Variants in ARHGAP24 observed in about 807,000 individuals in gnomAD.
ARHGAP24 encodes the protein Rho GTPase activating protein 24, also known as rho GTPase-activating protein 24.
Under a neutral mutation model 76.4 loss-of-function variants are expected in ARHGAP24, and 50 were observed. That is an observed-to-expected ratio of 0.65 (90% CI 0.52 to 0.83). The LOEUF (loss-of-function observed/expected upper bound fraction) is 0.83, where lower values mean the gene tolerates loss of function less well. ARHGAP24 is among the 40% of genes least tolerant of loss of function. ARHGAP24 has a pLI of 0.00. For missense variants in ARHGAP24, 930 were observed against 914.2 expected, an observed-to-expected ratio of 1.02 and a Z score of -0.22; for synonymous variants, 345 against 323.3, an observed-to-expected ratio of 1.07 and a Z score of -0.72.
At chr4:85,925,404 G>A (rs1481315224) in intron 4 of ARHGAP24, among the ~76,000 whole-genome samples, 1 of 152,100 alleles carries the variant, frequency 6.6e-6, no homozygotes, top group Non-Finnish European at 1.5e-5. Flanking sequence ...TGCCCCAAAG[G>A]GCAAGAGTAG....
intron 2 of ARHGAP24, among the ~76,000 whole-genome samples, chr4:85,655,231 A>G (rs1208015882): frequency 6.6e-6 from 1 of 152,208 alleles, no homozygotes; most frequent in Admixed American, 6.5e-5. Flanking sequence ...AAATGCCCTT[A>G]AAATTACATA....
At chr4:85,953,136 C>T (rs1400034885) in intron 5 of ARHGAP24, among the ~76,000 whole-genome samples, 1 of 152,104 alleles carries the variant, frequency 6.6e-6, no homozygotes, top group Admixed American at 6.5e-5. Context: ...CTTAACAACA[C>T]AGTGTTCAGG....
chr4:85,652,245 G>A (rs1048824753), intron 2 of ARHGAP24, among the ~76,000 whole-genome samples: 1 of 152,122 alleles, frequency 6.6e-6, no homozygotes, highest in African/African-American at 2.4e-5. Context: ...CTAGTGAAAT[G>A]TCACTTCAGC....
At chr4:85,607,687 T>TC (rs1320624583) in intron 2 of ARHGAP24, among the ~76,000 whole-genome samples, 22 of 144,808 alleles carry the variant, frequency 1.5e-4, no homozygotes, top group African/African-American at 4.7e-4. Flanking sequence ...TCTTTTCTTT[T>TC]TTTTTTTTTT....
intron 3 of ARHGAP24, among the ~76,000 whole-genome samples, chr4:85,834,639 G>A (rs1375919906): frequency 2.6e-5 from 4 of 152,178 alleles, no homozygotes; most frequent in African/African-American, 9.7e-5. Flanking sequence ...GATCTGTGAC[G>A]TCCACGTGGT....
chr4:85,769,935 G>A (rs1727072460), intron 3 of ARHGAP24, among the ~76,000 whole-genome samples: 1 of 151,942 alleles, frequency 6.6e-6, no homozygotes, highest in Admixed American at 6.6e-5. Context: ...AGAAAGGGTA[G>A]GAACTTTAAA....
rs563399256 is a variant in ARHGAP24 at position 85,956,760 on chromosome 4, G to C, written c.599+14487G>C. Among the ~76,000 whole-genome samples, 3 of 152,292 alleles carry C rather than the reference G, an allele frequency of 2.0e-5. No homozygotes were observed. The South Asian group carries it at 6.2e-4, about 32-fold the overall frequency. On this transcript the variant is annotated intron_variant, in intron 5 of 9. Coordinates refer to ENST00000395184, the MANE Select transcript of ARHGAP24 (RefSeq NM_001025616.3). ...GCCTCGCTGAATCAGGAGCACAGCC[G>C]ACACCCAGCCAGGGTGGAAGTCAGC...
intron 3 of ARHGAP24, among the ~76,000 whole-genome samples, chr4:85,875,588 T>A (rs1412036160): frequency 1.0e-5 from 1 of 99,508 alleles, no homozygotes; most frequent in Non-Finnish European, 1.8e-5. Flanking sequence ...TAATATATAT[T>A]TTATATTATA....
intron 2 of ARHGAP24, among the ~76,000 whole-genome samples, chr4:85,640,041 A>G (rs1721468691): frequency 6.6e-6 from 1 of 152,102 alleles, no homozygotes; most frequent in Admixed American, 6.6e-5. Context: ...GAGTTAGCCA[A>G]TCCCTGAAGA....
intron 1 of ARHGAP24, among the ~76,000 whole-genome samples, chr4:85,484,328 T>C (rs1318239011): frequency 6.6e-6 from 1 of 152,164 alleles, no homozygotes; most frequent in South Asian, 2.1e-4. Flanking sequence ...TTAGAAATTA[T>C]TAAAAATTCA....
At chr4:85,757,989 G>A (rs562858016) in intron 3 of ARHGAP24, among the ~76,000 whole-genome samples, 4 of 151,958 alleles carry the variant, frequency 2.6e-5, no homozygotes, top group East Asian at 1.9e-4. Flanking sequence ...ATTTTTTCAC[G>A]TGTCTGTTGG....
At chr4:85,876,240 T>G (rs1220194476) in intron 3 of ARHGAP24, among the ~76,000 whole-genome samples, 1 of 152,180 alleles carries the variant, frequency 6.6e-6, no homozygotes, top group East Asian at 1.9e-4. Context: ...CTTGTTATAT[T>G]TTCAGTTTTG....
intron 2 of ARHGAP24, among the ~76,000 whole-genome samples, chr4:85,643,241 T>G (rs1272504939): frequency 2.1e-3 from 4 of 1,926 alleles, no homozygotes; most frequent in Admixed American, 7.4e-3. Context: ...TGTGTTTTTT[T>G]TTTTTTTTTT....
chr4:85,477,293 G>A (rs2110085267), intron 1 of ARHGAP24, among the ~76,000 whole-genome samples: 1 of 152,246 alleles, frequency 6.6e-6, no homozygotes, highest in South Asian at 2.1e-4. Context: ...CATCTCAGGG[G>A]TTTGGATTTG....
intron 3 of ARHGAP24, among the ~76,000 whole-genome samples, chr4:85,786,810 CT>C (rs2110090867): frequency 6.6e-6 from 1 of 152,302 alleles, no homozygotes; most frequent in South Asian, 2.1e-4. Flanking sequence ...ACTTTCTCAC[CT>C]TTGTATGGTT....
intron 2 of ARHGAP24, among the ~76,000 whole-genome samples, chr4:85,651,714 T>C (rs1721951669): frequency 7.3e-6 from 1 of 137,382 alleles, no homozygotes; most frequent in African/African-American, 3.6e-5. Flanking sequence ...TGCTCTTAAA[T>C]TATTTGCATC....
intron 2 of ARHGAP24, among the ~76,000 whole-genome samples, chr4:85,583,420 A>G (rs1268077073): frequency 6.6e-6 from 1 of 152,140 alleles, no homozygotes; most frequent in African/African-American, 2.4e-5. Flanking sequence ...CAAGAGACAG[A>G]ACTTCAGAAG....
chr4:85,581,804 C>T (rs1388804499), intron 2 of ARHGAP24, among the ~76,000 whole-genome samples: 1 of 151,908 alleles, frequency 6.6e-6, no homozygotes, highest in African/African-American at 2.4e-5. Flanking sequence ...GATTTTCTAC[C>T]TGTCAATTTC....
At chr4:85,896,684 G>A (rs17011149) in intron 3 of ARHGAP24, among the ~76,000 whole-genome samples, 2,844 of 152,192 alleles carry the variant, frequency 0.019, 85 homozygotes, top group African/African-American at 0.066. Flanking sequence ...CTCAGAGGCC[G>A]TAGCAGTGTT....
Sources: allele counts gnomAD v4.1 joint callset (sites outside exome capture counted in the v4.1 genomes callset), GRCh38; gene constraint gnomAD v4.1.1; transcripts MANE v1.5; gene names NCBI Gene and HGNC (gene_info 2026-07-23, HGNC 2026-07-21).